Variants in FRK observed in about 807,000 individuals in gnomAD.
The protein encoded by FRK is fyn related Src family tyrosine kinase.
A neutral mutation model predicts 56.4 loss-of-function variants in FRK; 51 were observed. The ratio of observed to expected loss-of-function variants is 0.90; its 90% confidence interval spans 0.72 to 1.14. The LOEUF is 1.14. Ranked by LOEUF, FRK falls within the 50% of genes most tolerant of loss-of-function variation. The probability of loss-of-function intolerance (pLI) is 0.00; values close to 1 mark genes in which losing one functional copy is unlikely to be tolerated. For missense variants in FRK, 570 were observed against 601.4 expected (o/e 0.95, Z 0.55); for synonymous variants, 245 against 217.9 (o/e 1.12, Z -1.10).
At chr6:115,979,440 T>C (rs1420463301) in intron 2 of FRK, among the ~76,000 whole-genome samples, 3 of 152,160 alleles carry the variant, frequency 2.0e-5, no homozygotes, top group Non-Finnish European at 2.9e-5. Context: ...TACACTGTTA[T>C]TACAAAAGAG....
rs529794495 is a variant in FRK at position 116,036,575 on chromosome 6, G to A, written c.344+23393C>T. On this transcript the variant is annotated intron_variant, in intron 1 of 7. Coordinates refer to ENST00000606080, the MANE Select transcript of FRK (RefSeq NM_002031.3). ...CAGTGTACAATGATGCAATAGAAAT[G>A]GTAAAACAAAATCCTTTATATCATC... is the stretch of plus-strand genomic sequence containing the variant. Among the ~76,000 whole-genome samples, 136 of 152,108 alleles carry A rather than the reference G, an allele frequency of 8.9e-4. 1 individual carries two copies. The highest frequency in any genetic ancestry group is 6.8e-3 in the Middle Eastern group (2 of 294).
rs780358184 is a variant in FRK, at chr6:115,967,588, G to A, written c.762C>T (p.Asn254=). 6.2e-7 allele frequency: 1 copy of A among 1,613,702 alleles called. No individual in the cohort carries two copies. Among genetic ancestry groups the A allele is most frequent in the Non-Finnish European group, 8.5e-7 (1 of 1,179,766 alleles). ...QFGEVWEGLW[N]NTTPVAVKTL... is the part of the protein sequence containing the mutation. ...TTTTCACTGCTACTGGAGTGGTATT[G>A]TTCCACAGACCTTCCCATACTTCGC... The change falls in exon 4 of 8, where the codon AAC becomes AAT. Residue 254 remains asparagine (N), a synonymous_variant. Transcript: ENST00000606080.
At chr6:115,989,635 A>C (rs1774516712) in intron 2 of FRK, among the ~76,000 whole-genome samples, 1 of 151,818 alleles carries the variant, frequency 6.6e-6, no homozygotes, top group Non-Finnish European at 1.5e-5. Flanking sequence ...ATTCTTTCTT[A>C]GTATAGTATT....
At chr6:116,082,147 G>A in the FRK span, among the ~76,000 whole-genome samples, 1 of 152,214 alleles carries the variant, frequency 6.6e-6, no homozygotes, top group African/African-American at 2.4e-5. Flanking sequence ...GGGGGAGCTT[G>A]TACCGCATAT....
intron 1 of FRK, chr6:116,039,477 C>T: frequency 1.3e-6 from 2 of 1,532,866 alleles, no homozygotes; most frequent in Non-Finnish European, 1.8e-6. Context: ...TCGTGGACAT[C>T]ATCAATGCCA....
At chr6:115,972,973 T>C (rs577327649) in intron 2 of FRK, among the ~76,000 whole-genome samples, 126 of 152,216 alleles carry the variant, frequency 8.3e-4, no homozygotes, top group Non-Finnish European at 1.6e-3. Flanking sequence ...ACGACAATAA[T>C]ATTATGTCAT....
chr6:115,972,664 A>G (rs1046145373), intron 2 of FRK, among the ~76,000 whole-genome samples: 3 of 152,200 alleles, frequency 2.0e-5, no homozygotes, highest in Non-Finnish European at 4.4e-5. Flanking sequence ...GAGTATGGAG[A>G]TCTGACTTTG....
At chr6:115,967,803 C>G in intron 3 of FRK, 84 bp from the exon 4 acceptor site, 4 of 1,097,756 alleles carry the variant, frequency 3.6e-6, no homozygotes, top group East Asian at 2.7e-5. Context: ...AGTCTAGGTA[C>G]TTTTAAATAA....
intron 2 of FRK, among the ~76,000 whole-genome samples, chr6:116,001,416 G>T (rs911656644): frequency 6.6e-6 from 1 of 152,122 alleles, no homozygotes; most frequent in Admixed American, 6.5e-5. Flanking sequence ...GAAAGAGCCA[G>T]TCTTCAAGAT....
Position 115,944,292 on chromosome 6 carries a change from T to C in FRK, c.1092A>G (p.Glu364=). 1 of 1,612,914 alleles carries C rather than the reference T, an allele frequency of 6.2e-7. No homozygotes were observed. Residue 364 remains glutamate, a synonymous_variant, in exon 6 of 8, where the codon GAA becomes GAG. Coordinates refer to ENST00000606080, the MANE Select transcript of FRK (RefSeq NM_002031.3). ...DLAARNVLVG[E]HNIYKVADFG... ...AATCTGCTACTTTGTAGATATTATG[T>C]TCACCAACGAGGACATTTCTGGCAG...
At chr6:116,099,319 G>A in the FRK span, among the ~76,000 whole-genome samples, 1 of 152,198 alleles carries the variant, frequency 6.6e-6, no homozygotes, top group African/African-American at 2.4e-5. Flanking sequence ...AGTCCCTAAA[G>A]TACCTAAAGC....
chr6:115,991,279 T>C (rs1403179424), intron 2 of FRK, among the ~76,000 whole-genome samples: 1 of 151,936 alleles, frequency 6.6e-6, no homozygotes, highest in Non-Finnish European at 1.5e-5. Context: ...TCTTGTCTGA[T>C]TGCTCTGGCT....
chr6:115,995,540 G>A (rs527558678), intron 2 of FRK, among the ~76,000 whole-genome samples: 279 of 151,820 alleles, frequency 1.8e-3, no homozygotes, highest in Non-Finnish European at 3.6e-3. Flanking sequence ...ACAAACCAAG[G>A]TAAGCAAAAG....
chr6:116,027,207 G>T (rs575730868), intron 1 of FRK, among the ~76,000 whole-genome samples: 1 of 152,242 alleles, frequency 6.6e-6, no homozygotes, highest in Admixed American at 6.5e-5. Flanking sequence ...TCTTTAACAT[G>T]AAATAACTTC....
intron 7 of FRK, among the ~76,000 whole-genome samples, 179 bp from the exon 8 acceptor site, chr6:115,942,804 T>C (rs1012261753): frequency 6.6e-6 from 1 of 152,186 alleles, no homozygotes; most frequent in African/African-American, 2.4e-5. Flanking sequence ...CAGCAAGTGA[T>C]GTCTATAAGA....
chr6:116,036,677 T>G (rs909703749), intron 1 of FRK, among the ~76,000 whole-genome samples: 2 of 152,036 alleles, frequency 1.3e-5, no homozygotes, highest in African/African-American at 4.8e-5. Context: ...GGAAGTGACT[T>G]TCAAAGTCAA....
intron 1 of FRK, among the ~76,000 whole-genome samples, chr6:116,010,629 T>C (rs1775428751): frequency 6.6e-6 from 1 of 152,194 alleles, no homozygotes; most frequent in Non-Finnish European, 1.5e-5. Context: ...CAGAGTATAA[T>C]AACAGTTAAG....
At chr6:116,031,827 C>G (rs895039852) in intron 1 of FRK, among the ~76,000 whole-genome samples, 14 of 152,028 alleles carry the variant, frequency 9.2e-5, no homozygotes, top group African/African-American at 3.1e-4. Context: ...AAATATGAAA[C>G]AGCAGATTAG....
chr6:116,066,573 T>C, the FRK span, among the ~76,000 whole-genome samples: 1 of 152,148 alleles, frequency 6.6e-6, no homozygotes, highest in East Asian at 1.9e-4. Flanking sequence ...TGTTTTTCAA[T>C]AGCTTCCCAT....
Sources: gnomAD v4.1 joint callset for allele counts (sites outside exome capture counted in the v4.1 genomes callset) on GRCh38, gnomAD v4.1.1 for gene constraint, MANE v1.5 for transcripts, NCBI Gene and HGNC (gene_info 2026-07-23, HGNC 2026-07-21) for gene names.